The following PDE12 variants were observed in gnomAD, a reference collection of about 807,000 sequenced individuals.
The protein encoded by PDE12 is phosphodiesterase 12.
A neutral mutation model predicts 45.4 loss-of-function variants in PDE12; 26 were observed. That is an observed-to-expected ratio of 0.57 (90% confidence interval 0.42 to 0.79). PDE12 has a LOEUF of 0.79. Among genes scored for constraint, PDE12 ranks in the 30% least tolerant of loss-of-function variants. PDE12 has a pLI of 0.00. For synonymous variants in PDE12, 283 were observed against 323.9 expected, an observed-to-expected ratio of 0.87 and a Z score of 1.36; for missense variants, 668 against 790.0, an observed-to-expected ratio of 0.85 and a Z score of 1.85.
chr3:57,611,139 T>C, the PDE12 span, among the ~76,000 whole-genome samples: 1 of 152,152 alleles, frequency 6.6e-6, no homozygotes, highest in Non-Finnish European at 1.5e-5. Context: ...GAGAAAGGAT[T>C]CCCTATTTAA....
the PDE12 span, chr3:57,626,398 CAT>C: frequency 9.9e-5 from 15 of 152,192 alleles, no homozygotes; most frequent in African/African-American, 3.6e-4. Flanking sequence ...CATGCTGTGT[CAT>C]GTGTGCCTAT....
At chr3:57,641,941 C>T in the PDE12 span, among the ~76,000 whole-genome samples, 240 of 152,216 alleles carry the variant, frequency 1.6e-3, 3 homozygotes, top group African/African-American at 5.4e-3. Flanking sequence ...GGACACGGTC[C>T]TTCCAGCAGC....
the PDE12 span, among the ~76,000 whole-genome samples, chr3:57,598,614 T>C: frequency 6.6e-6 from 1 of 152,110 alleles, no homozygotes; most frequent in African/African-American, 2.4e-5. Flanking sequence ...ACCCAGTCTC[T>C]ACTAAAAATA....
the PDE12 span, among the ~76,000 whole-genome samples, chr3:57,645,417 T>C: frequency 6.6e-6 from 1 of 152,062 alleles, no homozygotes; most frequent in Non-Finnish European, 1.5e-5. Context: ...GCCGAGATCA[T>C]GCCACTGCAC....
the PDE12 span, among the ~76,000 whole-genome samples, chr3:57,612,179 G>A: frequency 1.4e-5 from 2 of 146,090 alleles, no homozygotes; most frequent in Non-Finnish European, 3.0e-5. Context: ...CTCATAGGTG[G>A]GAATTGAACA....
At chr3:57,604,046 C>T in the PDE12 span, among the ~76,000 whole-genome samples, 11 of 152,060 alleles carry the variant, frequency 7.2e-5, no homozygotes, top group Non-Finnish European at 1.6e-4. Context: ...GCCTCAGCCT[C>T]CCAAGTAGCT....
At position 57,556,725 on chromosome 3, in the gene PDE12, G is replaced by T; in HGVS notation, c.346G>T (p.Ala116Ser). The T allele has an allele frequency of 1.9e-6, 3 of 1,595,676 alleles. No individual in the cohort carries two copies. Among genetic ancestry groups the T allele is most frequent in the South Asian group, 1.1e-5 (1 of 89,600 alleles). ...CTGTTCAGGGCCGGGGCCTGAGCCG[G>T]CTGTGTTCTGCGAGCCCGTGGTGAA... ...AACSGPGPEP[A>S]VFCEPVVKLY... Residue 116 changes from alanine to serine, a missense_variant, in exon 1 of 3, where the codon GCT becomes TCT. Coordinates refer to ENST00000311180, the MANE Select transcript of PDE12 (RefSeq NM_177966.7). The surrounding 1 kb of genome is among the most constrained non-coding windows in gnomAD (Gnocchi z 5.0).
the PDE12 span, among the ~76,000 whole-genome samples, chr3:57,611,008 A>C: frequency 6.6e-6 from 1 of 152,154 alleles, no homozygotes; most frequent in Non-Finnish European, 1.5e-5. Flanking sequence ...ACAGTAACCA[A>C]AACAGCATGG....
chr3:57,639,819 G>A, the PDE12 span, among the ~76,000 whole-genome samples: 6 of 148,602 alleles, frequency 4.0e-5, no homozygotes, highest in Admixed American at 1.3e-4. Flanking sequence ...CAGTAAGACC[G>A]AGTCCAGAAT....
At chr3:57,577,353 T>C in the PDE12 span, 2 of 1,613,780 alleles carry the variant, frequency 1.2e-6, no homozygotes, top group Non-Finnish European at 1.7e-6. Flanking sequence ...CTGAATTCTT[T>C]CACGATCGTT....
the PDE12 span, among the ~76,000 whole-genome samples, chr3:57,639,595 C>G: frequency 6.6e-6 from 1 of 152,184 alleles, no homozygotes; most frequent in Non-Finnish European, 1.5e-5. Context: ...CTGTTGTTCT[C>G]TGTATTATCA....
chr3:57,635,036 A>G, the PDE12 span, among the ~76,000 whole-genome samples: 1 of 152,196 alleles, frequency 6.6e-6, no homozygotes, highest in Non-Finnish European at 1.5e-5. Context: ...CATTACTTAA[A>G]TTTTTCCCTT....
rs1432445104 is a variant in PDE12 at position 57,566,837 on chromosome 3, A to C, written c.*6833A>C. On this transcript the variant is annotated 3_prime_UTR_variant, in exon 3 of 3. Transcript: ENST00000311180. ...CCCCTCCTTAAAAAATAAATAATAT[A>C]ATAATCCATCATCCCTTGCCTTTTC... is the stretch of plus-strand genomic sequence containing the variant. 6.6e-6 allele frequency: 1 copy of C among 152,174 alleles called. No homozygotes were observed. The highest frequency in any genetic ancestry group is 1.9e-4 in the East Asian group (1 of 5,204). 9.4% of individuals were successfully genotyped at this position (152,174 alleles called of 1,614,324 possible).
the PDE12 span, among the ~76,000 whole-genome samples, chr3:57,605,902 A>G: frequency 1.3e-5 from 2 of 152,198 alleles, no homozygotes; most frequent in African/African-American, 4.8e-5. Context: ...ACAGAAGAAA[A>G]GATTAATAAA....
the PDE12 span, chr3:57,631,243 C>G: frequency 2.0e-5 from 7 of 353,464 alleles, no homozygotes; most frequent in African/African-American, 1.5e-4. Context: ...GTTGCGCAGG[C>G]TGGAGTGCAA....
the PDE12 span, among the ~76,000 whole-genome samples, chr3:57,572,750 T>C: frequency 6.6e-6 from 1 of 152,216 alleles, no homozygotes; most frequent in Admixed American, 6.5e-5. Flanking sequence ...TTCTTTTCAG[T>C]GCTGGTTTTT....
the PDE12 span, among the ~76,000 whole-genome samples, chr3:57,577,585 T>C: frequency 6.6e-6 from 1 of 152,224 alleles, no homozygotes; most frequent in Non-Finnish European, 1.5e-5. Context: ...ATTTCAAATC[T>C]AAAAAATTTT....
downstream of PDE12, among the ~76,000 whole-genome samples, chr3:57,569,830 A>AC (rs1491216830): frequency 8.3e-5 from 1 of 11,994 alleles, no homozygotes; most frequent in Non-Finnish European, 2.0e-4. Context: ...AAACCATCTC[A>AC]AAAAAAAAAA....
At chr3:57,616,380 G>A in the PDE12 span, among the ~76,000 whole-genome samples, 3 of 146,648 alleles carry the variant, frequency 2.0e-5, no homozygotes. Context: ...AGGCAGGGGG[G>A]AGGAGGAGAA....
Sources: gnomAD v4.1 joint callset for allele counts (sites outside exome capture counted in the v4.1 genomes callset) on GRCh38, gnomAD v4.1.1 for gene constraint, Gnocchi (gnomAD v3.1) non-coding constraint, MANE v1.5 for transcripts, NCBI Gene and HGNC (gene_info 2026-07-23, HGNC 2026-07-21) for gene names.